The following TNFRSF8 variants were observed in gnomAD, a reference collection of about 807,000 sequenced individuals.
The protein encoded by TNFRSF8 is tumor necrosis factor receptor superfamily member 8.
In TNFRSF8, 26 loss-of-function variants were observed where a neutral mutation model predicts 70.8. The observed-to-expected ratio is 0.37, with a 90% CI of 0.27 to 0.51. The LOEUF (loss-of-function observed/expected upper bound fraction) is 0.51. Among genes scored for constraint, TNFRSF8 ranks in the 20% least tolerant of loss-of-function variants. The pLI is 0.94. For synonymous variants in TNFRSF8, 356 were observed against 339.2 expected, an observed-to-expected ratio of 1.05 and a Z score of -0.54; for missense variants, 720 against 807.9, an observed-to-expected ratio of 0.89 and a Z score of 1.32.
chr1:12,116,358 A>C (rs1641729953), intron 8 of TNFRSF8, among the ~76,000 whole-genome samples: 1 of 152,198 alleles, frequency 6.6e-6, no homozygotes, highest in Non-Finnish European at 1.5e-5. Flanking sequence ...TTCTGAAGAG[A>C]TTTCTAACAG....
At chr1:12,064,114 C>T (rs879574838) in intron 1 of TNFRSF8, among the ~76,000 whole-genome samples, 4 of 152,156 alleles carry the variant, frequency 2.6e-5, no homozygotes, top group Non-Finnish European at 4.4e-5. Context: ...CTAAGCTGGC[C>T]ACTGGCTGGA....
Position 12,063,543 on chromosome 1 carries a change from C to A in TNFRSF8, c.-56C>A. 1.5e-6 allele frequency: 2 copies of A among 1,290,960 alleles called. No individual in the cohort carries two copies. The highest frequency in any genetic ancestry group is 3.1e-5 in the East Asian group (1 of 31,826). 80.0% of individuals were successfully genotyped at this position (1,290,960 alleles called of 1,614,324 possible). A position where few individuals can be genotyped will look rare whatever the true frequency, so the allele number is the denominator to read the frequency against. ...GACCGCACGTGGGCGCCGCGCGCTT[C>A]CCCCGCTTCCCAGGTGGGCGCCGGC... is the stretch of plus-strand genomic sequence containing the variant. On this transcript the variant is annotated 5_prime_UTR_variant, in exon 1 of 15. Coordinates refer to ENST00000263932, the MANE Select transcript of TNFRSF8 (RefSeq NM_001243.5). This position sits in a 1 kb window ranked among gnomAD's most constrained non-coding sequence, Gnocchi z 7.2.
chr1:12,087,119 ATCCATC>A (rs1641167187), intron 2 of TNFRSF8, among the ~76,000 whole-genome samples: 1 of 126,696 alleles, frequency 7.9e-6, no homozygotes, highest in South Asian at 2.5e-4. Context: ...CCATCCATCC[ATCCATC>A]CATCATCCAT....
intron 14 of TNFRSF8, among the ~76,000 whole-genome samples, chr1:12,140,272 C>T (rs1422450264): frequency 6.6e-6 from 1 of 152,170 alleles, no homozygotes; most frequent in Non-Finnish European, 1.5e-5. Context: ...TGGAGGTTCT[C>T]TTGGGCACCC....
At chr1:12,096,216 T>G (rs939949317) in intron 2 of TNFRSF8, among the ~76,000 whole-genome samples, 4 of 152,066 alleles carry the variant, frequency 2.6e-5, no homozygotes, top group Non-Finnish European at 5.9e-5. Context: ...ATTGGCCTGC[T>G]TGGGTCATGT....
In TNFRSF8 at chr1:12,109,787, T is replaced by G. The variant is rs947742488; in HGVS notation, c.512+131T>G. On this transcript the variant is annotated intron_variant, in intron 5 of 14. Coordinates refer to ENST00000263932, the MANE Select transcript of TNFRSF8 (RefSeq NM_001243.5). This position sits in a 1 kb window ranked among gnomAD's most constrained non-coding sequence, Gnocchi z 4.4. ...GGGATTCAGCCCATGGTGTCAGCAC[T>G]TTGGGGTGCCTCTCTGCCAAGCCCC... The G allele has an allele frequency of 1.2e-6, 1 of 866,258 alleles. No homozygotes were observed. The highest frequency in any genetic ancestry group is 1.8e-6 in the Non-Finnish European group (1 of 552,666). The allele number at this position is 866,258 out of a possible 1,614,324, so 53.7% of individuals were successfully genotyped here. A position where few individuals can be genotyped will look rare whatever the true frequency, so the allele number is the denominator to read the frequency against.
intron 1 of TNFRSF8, chr1:12,080,579 T>G: frequency 2.0e-5 from 7 of 354,676 alleles, no homozygotes; most frequent in South Asian, 1.4e-4. Context: ...TTTTTTGAGA[T>G]GGAGTTTCAC....
chr1:12,125,849 GA>G, intron 10 of TNFRSF8, 101 bp from the exon 11 acceptor site: 1 of 907,754 alleles, frequency 1.1e-6, no homozygotes, highest in Non-Finnish European at 1.9e-6. Flanking sequence ...TGTTAGCCAT[GA>G]TGGAAGCTGT....
At position 12,109,595 on chromosome 1, in the gene TNFRSF8, C is replaced by G; in HGVS notation, c.451C>G (p.Pro151Ala). Residue 151 changes from proline (P) to alanine (A), a missense_variant, in exon 5 of 15, where the codon CCG (proline) becomes GCG (alanine). By Grantham distance (27) the Pro-to-Ala change is conservative. Transcript: ENST00000263932. The surrounding 1 kb of genome is among the most constrained non-coding windows in gnomAD (Gnocchi z 4.4). ...GTAQKNTVCE[P>A]ASPGVSPACA... ...GGCGCAGAAGAACACGGTCTGTGAG[C>G]CGGCTTCCCCAGGGGTCAGCCCTGC... is the stretch of plus-strand genomic sequence containing the variant. The G allele has an allele frequency of 6.2e-7, 1 of 1,613,676 alleles. No individual in the cohort carries two copies. Among genetic ancestry groups the G allele is most frequent in the Non-Finnish European group, 8.5e-7 (1 of 1,179,942 alleles).
intron 12 of TNFRSF8, among the ~76,000 whole-genome samples, chr1:12,127,495 A>G (rs1317121716): frequency 6.6e-6 from 1 of 152,180 alleles, no homozygotes; most frequent in Non-Finnish European, 1.5e-5. Flanking sequence ...CGCAATGCCT[A>G]CCCAAGAGCC....
At chr1:12,073,865 G>C (rs531385714) in intron 1 of TNFRSF8, among the ~76,000 whole-genome samples, 3 of 151,976 alleles carry the variant, frequency 2.0e-5, no homozygotes, top group Non-Finnish European at 4.4e-5. Flanking sequence ...CAAAGTGCTG[G>C]GACTTCAGGT....
intron 12 of TNFRSF8, among the ~76,000 whole-genome samples, chr1:12,130,344 G>A (rs951730957): frequency 6.6e-6 from 1 of 152,236 alleles, no homozygotes; most frequent in Non-Finnish European, 1.5e-5. Flanking sequence ...AGGTCAGGGA[G>A]AGCCCCTTTA....
At chr1:12,074,635 G>A (rs558453898) in intron 1 of TNFRSF8, among the ~76,000 whole-genome samples, 5 of 152,240 alleles carry the variant, frequency 3.3e-5, no homozygotes, top group South Asian at 2.1e-4. Flanking sequence ...TATGGCCAAC[G>A]AAGTTTGAGA....
rs1259388686 is a variant in TNFRSF8, at chr1:12,109,761, C to T, written c.512+105C>T. The T allele has an allele frequency of 1.3e-5, 13 of 1,021,876 alleles. No homozygotes were observed. The highest frequency in any genetic ancestry group is 2.1e-5 in the Admixed American group (1 of 47,078). The allele number at this position is 1,021,876 out of a possible 1,614,324, so 63.3% of individuals were successfully genotyped here. ...GGTACAACTGGGCTGGGGGTGTAAG[C>T]GGGATTCAGCCCATGGTGTCAGCAC... On this transcript the variant is annotated intron_variant, in intron 5 of 14. Transcript: ENST00000263932. This position sits in a 1 kb window ranked among gnomAD's most constrained non-coding sequence, Gnocchi z 4.4.
chr1:12,107,046 A>G (rs1641537866), intron 4 of TNFRSF8, among the ~76,000 whole-genome samples: 1 of 152,172 alleles, frequency 6.6e-6, no homozygotes, highest in African/African-American at 2.4e-5. Context: ...CTGCCCCTGG[A>G]CCCCAGCTGC....
intron 13 of TNFRSF8, among the ~76,000 whole-genome samples, chr1:12,136,221 C>T (rs763598387): frequency 3.9e-5 from 6 of 152,078 alleles, no homozygotes; most frequent in African/African-American, 9.7e-5. Flanking sequence ...GGATCACATT[C>T]GAATATGCTT....
At chr1:12,074,578 C>CAATGG (rs1439912204) in intron 1 of TNFRSF8, among the ~76,000 whole-genome samples, 1 of 152,194 alleles carries the variant, frequency 6.6e-6, no homozygotes, top group Non-Finnish European at 1.5e-5. Flanking sequence ...CCAGGCCCGG[C>CAATGG]CTCAAACTCA....
intron 12 of TNFRSF8, among the ~76,000 whole-genome samples, chr1:12,132,810 C>T (rs1184080780): frequency 1.4e-5 from 2 of 143,370 alleles, no homozygotes; most frequent in Non-Finnish European, 3.0e-5. Context: ...TACACTCCAG[C>T]CTCGGTGACA....
In TNFRSF8 at chr1:12,138,186, A is replaced by G; in HGVS notation, c.1336-43A>G. The stretch of plus-strand genomic sequence containing the variant: ...CCTCCCAGTTCAGAGACTGGTGGGG[A>G]GGTTGGGGGTACCCTGCAGCAGCAC... On this transcript the variant is annotated intron_variant, in intron 13 of 14. Transcript: ENST00000263932. This position sits in a 1 kb window ranked among gnomAD's most constrained non-coding sequence, Gnocchi z 5.7. 1.9e-6 allele frequency: 3 copies of G among 1,592,490 alleles called. No homozygotes were observed. Among genetic ancestry groups the G allele is most frequent in the Non-Finnish European group, 8.6e-7 (1 of 1,166,478 alleles).
Sources: gnomAD v4.1 joint callset for allele counts (sites outside exome capture counted in the v4.1 genomes callset) on GRCh38, gnomAD v4.1.1 for gene constraint, Gnocchi (gnomAD v3.1) non-coding constraint, MANE v1.5 for transcripts, NCBI Gene and HGNC (gene_info 2026-07-23, HGNC 2026-07-21) for gene names.